TWIST2: variants seen among roughly 807,000 people sequenced by gnomAD.
TWIST2 encodes twist family bHLH transcription factor 2.
In TWIST2, 1 loss-of-function variant was observed where a neutral mutation model predicts 11.6. That is an observed-to-expected ratio of 0.09 (90% CI 0.03 to 0.41). The LOEUF (loss-of-function observed/expected upper bound fraction) is 0.41, where lower values mean the gene tolerates loss of function less well. Among genes scored for constraint, TWIST2 ranks in the 10% least tolerant of loss-of-function variants. The pLI, the probability that TWIST2 is intolerant of heterozygous loss-of-function variation, is 0.98. For synonymous variants in TWIST2, 87 were observed against 96.6 expected, an observed-to-expected ratio of 0.90 and a Z score of 0.58; for missense variants, 168 against 226.4, an observed-to-expected ratio of 0.74 and a Z score of 1.66.
intron 1 of TWIST2, 103 bp downstream of exon 1, chr2:238,848,836 G>A (rs985624964): frequency 1.4e-4 from 136 of 952,204 alleles, no homozygotes; most frequent in Non-Finnish European, 1.7e-4. Context: ...AGGCCCCGCG[G>A]GCCGCGGGGG....
chr2:238,906,714 C>T (rs1055385337), intron 1 of TWIST2, among the ~76,000 whole-genome samples: 2,046 of 152,256 alleles, frequency 0.013, 44 homozygotes, highest in African/African-American at 0.046. Context: ...GCTTCCACAT[C>T]CTCCCCCCAG....
At chr2:238,851,456 G>A (rs887953910) in intron 1 of TWIST2, among the ~76,000 whole-genome samples, 12 of 152,296 alleles carry the variant, frequency 7.9e-5, no homozygotes, top group African/African-American at 2.9e-4. Flanking sequence ...GGTGGGGGAA[G>A]GTGACCATTA....
intron 1 of TWIST2, among the ~76,000 whole-genome samples, chr2:238,896,068 T>A (rs1424561892): frequency 3.3e-5 from 5 of 151,814 alleles, no homozygotes; most frequent in African/African-American, 1.2e-4. Flanking sequence ...GTAAATATGG[T>A]CATTCCCACA....
At chr2:238,899,324 T>TC (rs1437989927) in intron 1 of TWIST2, among the ~76,000 whole-genome samples, 1 of 152,262 alleles carries the variant, frequency 6.6e-6, no homozygotes, top group Non-Finnish European at 1.5e-5. Context: ...AGCTCCTTGC[T>TC]CTCTTGGGCT....
intron 1 of TWIST2, among the ~76,000 whole-genome samples, 192 bp from the exon 2 acceptor site, chr2:238,909,650 G>A (rs1476621911): frequency 2.6e-5 from 4 of 152,112 alleles, no homozygotes; most frequent in Non-Finnish European, 4.4e-5. Context: ...CAGGGGTTGC[G>A]GAAGCCTGGG....
intron 1 of TWIST2, among the ~76,000 whole-genome samples, chr2:238,859,961 A>G (rs779027574): frequency 6.6e-6 from 1 of 152,140 alleles, no homozygotes; most frequent in Non-Finnish European, 1.5e-5. Context: ...CTAAGCCTCC[A>G]TGCTGCTTGC....
intron 1 of TWIST2, among the ~76,000 whole-genome samples, chr2:238,849,015 G>A (rs2106346206): frequency 6.6e-6 from 1 of 152,236 alleles, no homozygotes; most frequent in South Asian, 2.1e-4. Context: ...GATGGTCGCA[G>A]TTTTCATTCT....
chr2:238,853,432 GGA>G (rs1692277427), intron 1 of TWIST2, among the ~76,000 whole-genome samples: 1 of 97,258 alleles, frequency 1.0e-5, no homozygotes, highest in Non-Finnish European at 2.1e-5. Context: ...AGAGAGAGAA[GGA>G]GAGAGGGAGA....
Position 238,864,148 on chromosome 2 carries a change from G to C in TWIST2, c.*35+15415G>C, listed in dbSNP as rs148563828. ...ATGACCAAATCCTTTTCGGAGAGAT[G>C]ACTGAAATATTTGTAAGTTTCCATC... On this transcript the variant is annotated intron_variant, in intron 1 of 1. Transcript: ENST00000612363. The surrounding 1 kb of genome is among the most constrained non-coding windows in gnomAD (Gnocchi z 4.7). Among the ~76,000 whole-genome samples the C allele has an allele frequency of 1.2e-3, 175 of 152,146 alleles. No individual in the cohort carries two copies. The highest frequency in any genetic ancestry group is 3.8e-3 in the African/African-American group (159 of 41,502).
intron 1 of TWIST2, among the ~76,000 whole-genome samples, chr2:238,861,799 A>G (rs1283704478): frequency 6.6e-6 from 1 of 152,242 alleles, no homozygotes; most frequent in Non-Finnish European, 1.5e-5. Context: ...AAAATTCCAG[A>G]AGAAAAATTG....
intron 1 of TWIST2, among the ~76,000 whole-genome samples, chr2:238,860,553 T>C (rs1692413165): frequency 1.3e-5 from 2 of 152,232 alleles, no homozygotes; most frequent in Admixed American, 1.3e-4. Flanking sequence ...CCAGGATTGT[T>C]TGAATTTTCA....
At chr2:238,896,269 C>T (rs1006607216) in intron 1 of TWIST2, among the ~76,000 whole-genome samples, 10 of 152,196 alleles carry the variant, frequency 6.6e-5, no homozygotes, top group Admixed American at 2.6e-4. Flanking sequence ...GCGTGCCTGC[C>T]GTGCCATCAA....
Position 238,866,288 on chromosome 2 carries a change from T to G in TWIST2, c.*35+17555T>G, listed in dbSNP as rs1277891166. On this transcript the variant is annotated intron_variant, in intron 1 of 1. Transcript: ENST00000612363. The surrounding 1 kb of genome is among the most constrained non-coding windows in gnomAD (Gnocchi z 4.9). ...AGGAGCATGTCTGTCCTTTTCACCC[T>G]GTACCCAGCACTTGGAGCAGTTGCC... is the stretch of plus-strand genomic sequence containing the variant. Among the ~76,000 whole-genome samples the G allele has an allele frequency of 1.3e-5, 2 of 152,200 alleles. No homozygotes were observed. Among genetic ancestry groups the G allele is most frequent in the Non-Finnish European group, 2.9e-5 (2 of 68,022 alleles).
intron 1 of TWIST2, among the ~76,000 whole-genome samples, chr2:238,889,223 A>ACACTCACACTT: frequency 6.6e-6 from 1 of 152,324 alleles, no homozygotes; most frequent in African/African-American, 2.4e-5. Flanking sequence ...ACTGGGTAGG[A>ACACTCACACTT]ACAATGTGAG....
chr2:238,862,071 C>A (rs36137058), intron 1 of TWIST2, among the ~76,000 whole-genome samples: 29,149 of 152,142 alleles, frequency 0.19, 3,391 homozygotes, highest in African/African-American at 0.32. Context: ...ACACCACAAC[C>A]ACACGTGGAC....
At chr2:238,903,174 AGTT>A (rs1328544672) in intron 1 of TWIST2, among the ~76,000 whole-genome samples, 26 of 103,986 alleles carry the variant, frequency 2.5e-4, no homozygotes, top group African/African-American at 9.3e-4. Context: ...TGTGGGATGT[AGTT>A]GTGTGATGGG....
At chr2:238,875,595 T>C (rs910311685) in intron 1 of TWIST2, among the ~76,000 whole-genome samples, 1 of 152,052 alleles carries the variant, frequency 6.6e-6, no homozygotes. Context: ...GTAACAGAGG[T>C]TGGCTTCCAG....
chr2:238,907,224 C>T (rs1476836878), intron 1 of TWIST2, among the ~76,000 whole-genome samples: 2 of 152,228 alleles, frequency 1.3e-5, no homozygotes, highest in Non-Finnish European at 2.9e-5. Flanking sequence ...GGCGTGTCCC[C>T]TGCCCTGTGG....
chr2:238,888,473 G>C (rs956642429), intron 1 of TWIST2, among the ~76,000 whole-genome samples: 1 of 152,164 alleles, frequency 6.6e-6, no homozygotes, highest in Admixed American at 6.5e-5. Flanking sequence ...TCTGGACCAA[G>C]GATTGAAAGT....
Sources: allele counts gnomAD v4.1 joint callset (sites outside exome capture counted in the v4.1 genomes callset), GRCh38; gene constraint gnomAD v4.1.1; non-coding constraint Gnocchi (gnomAD v3.1); transcripts MANE v1.5; gene names NCBI Gene and HGNC (gene_info 2026-07-23, HGNC 2026-07-21).